DNAJA3: variants seen among roughly 807,000 people sequenced by gnomAD.
DNAJA3 encodes dnaJ homolog subfamily A member 3, mitochondrial.
DNAJA3 carries 29 observed loss-of-function variants against 54.9 expected under a neutral mutation model. The ratio of observed to expected loss-of-function variants is 0.53; its 90% CI spans 0.39 to 0.72. The LOEUF is 0.72. Ranked by LOEUF, DNAJA3 falls within the 30% of genes least tolerant of loss-of-function variation. The probability of loss-of-function intolerance (pLI) is 0.00; values close to 1 mark genes in which losing one functional copy is unlikely to be tolerated. For synonymous variants in DNAJA3, 302 were observed against 251.4 expected, an observed-to-expected ratio of 1.20 and a Z score of -1.90; for missense variants, 708 against 639.4, an observed-to-expected ratio of 1.11 and a Z score of -1.16.
At chr16:4,443,827 C>T (rs1254383578) in intron 6 of DNAJA3, among the ~76,000 whole-genome samples, 1 of 152,178 alleles carries the variant, frequency 6.6e-6, no homozygotes, top group Non-Finnish European at 1.5e-5. Flanking sequence ...GCTGGGACTA[C>T]AGGCACCTGC....
At chr16:4,433,939 T>A (rs2056738876) in intron 1 of DNAJA3, 1 of 208,672 alleles carries the variant, frequency 4.8e-6, no homozygotes, top group African/African-American at 2.4e-5. Flanking sequence ...ATTAGTCTGT[T>A]CTCATGCAGC....
At chr16:4,452,957 G>A (rs1405776854) in intron 10 of DNAJA3, among the ~76,000 whole-genome samples, 1 of 152,172 alleles carries the variant, frequency 6.6e-6, no homozygotes, top group African/African-American at 2.4e-5. Flanking sequence ...GGGTGGTTAA[G>A]TCTCTCATTA....
At chr16:4,446,241 G>T (rs1019697369) in intron 7 of DNAJA3, among the ~76,000 whole-genome samples, 2 of 142,766 alleles carry the variant, frequency 1.4e-5, no homozygotes, top group Non-Finnish European at 1.5e-5. Flanking sequence ...AATAAAGTAA[G>T]ATTTTTTTTT....
intron 1 of DNAJA3, among the ~76,000 whole-genome samples, chr16:4,426,454 G>C (rs1418197951): frequency 6.6e-6 from 1 of 152,190 alleles, no homozygotes; most frequent in Admixed American, 6.5e-5. Context: ...GAGAGGCCTA[G>C]GTACTTTGTT....
In DNAJA3 at chr16:4,441,492, G is replaced by A. The variant is rs1339491289; in HGVS notation, c.547G>A (p.Glu183Lys). Residue 183 changes from glutamate (E) to lysine (K), a missense_variant, in exon 4 of 12, where the codon GAG (glutamate) becomes AAG (lysine). Physicochemically the swap from Glu to Lys is moderately conservative, Grantham distance 56. Transcript: ENST00000262375. The part of the protein sequence containing the change: ...YWKGGPTVDP[E>K]ELFRKIFGEF... ...GAAGGGAGGCCCCACTGTGGACCCCGAGGAGCTGTTCAGGAAGATCTTTGG... is the reference window on the plus strand; with the variant it reads ...GAAGGGAGGCCCCACTGTGGACCCCAAGGAGCTGTTCAGGAAGATCTTTGG... The A allele has an allele frequency of 2.5e-6, 4 of 1,614,064 alleles. No homozygotes were observed. Among genetic ancestry groups the A allele is most frequent in the Admixed American group, 3.3e-5 (2 of 60,002 alleles).
At position 4,441,202 on chromosome 16, in the gene DNAJA3, A is replaced by G. The variant is rs1313150089; in HGVS notation, c.430-173A>G. ...CCTACACTTAGCATTCAGTTTGGTC[A>G]TCTCATCCCTCTTCTAGGTGCTAGT... On this transcript the variant is annotated intron_variant, in intron 3 of 11. Transcript: ENST00000262375. 6.6e-6 allele frequency: 4 copies of G among 609,792 alleles called. No individual in the cohort carries two copies. In the South Asian group the frequency reaches 8.4e-5, roughly 13 times the overall value. 37.8% of individuals were successfully genotyped at this position (609,792 alleles called of 1,614,324 possible).
intron 10 of DNAJA3, among the ~76,000 whole-genome samples, chr16:4,450,977 G>A (rs919360481): frequency 2.0e-5 from 3 of 152,180 alleles, no homozygotes; most frequent in African/African-American, 7.2e-5. Flanking sequence ...GACTCCGTCC[G>A]CCGCTTTAGA....
At chr16:4,446,490 C>G (rs1300748435) in intron 7 of DNAJA3, among the ~76,000 whole-genome samples, 2 of 151,990 alleles carry the variant, frequency 1.3e-5, no homozygotes, top group Non-Finnish European at 2.9e-5. Flanking sequence ...GTGATCCACT[C>G]ACCTTGGCCT....
intron 1 of DNAJA3, chr16:4,430,563 C>CA (rs1287211997): frequency 0.037 from 3,714 of 99,278 alleles, 163 homozygotes; most frequent in African/African-American, 0.13. Context: ...AACTCCCTGT[C>CA]AAAAAAAAAA....
Position 4,448,886 on chromosome 16 carries a change from C to T in DNAJA3, c.1241+38C>T, listed in dbSNP as rs903757420. The T allele has an allele frequency of 8.0e-6, 12 of 1,503,378 alleles. No homozygotes were observed. In the East Asian group the frequency reaches 2.5e-4, roughly 31 times the overall value. The allele number at this position is 1,503,378 out of a possible 1,614,324, so 93.1% of individuals were successfully genotyped here. A position where few individuals can be genotyped will look rare whatever the true frequency, so the allele number is the denominator to read the frequency against. ...TAGGCTGTGGCCAAGCCCGCCTGGT[C>T]CTGCGGTGGCACTGCCCTTGGAGCT... is the stretch of plus-strand genomic sequence containing the variant. On this transcript the variant is annotated intron_variant, in intron 9 of 11. Coordinates refer to ENST00000262375, the MANE Select transcript of DNAJA3 (RefSeq NM_005147.6).
intron 7 of DNAJA3, 98 bp from the exon 8 acceptor site, chr16:4,446,788 A>G (rs1443122298): frequency 4.8e-6 from 7 of 1,454,282 alleles, no homozygotes; most frequent in Non-Finnish European, 6.6e-6. Flanking sequence ...AGGGGTGTGT[A>G]GTTTGTCAGG....
chr16:4,433,063 A>AC (rs2056726836), intron 1 of DNAJA3: 1 of 152,032 alleles, frequency 6.6e-6, no homozygotes, highest in Admixed American at 6.6e-5. Context: ...AATGGCGTGA[A>AC]CCCGGGAAGT....
At chr16:4,451,968 G>T (rs1194655517) in intron 10 of DNAJA3, among the ~76,000 whole-genome samples, 1 of 151,488 alleles carries the variant, frequency 6.6e-6, no homozygotes, top group Non-Finnish European at 1.5e-5. Context: ...TACTCTGGAG[G>T]CTGAGGCAGG....
chr16:4,448,952 G>A (rs2056941847), intron 9 of DNAJA3, 104 bp downstream of exon 9: 1 of 771,572 alleles, frequency 1.3e-6, no homozygotes, highest in Non-Finnish European at 2.2e-6. Flanking sequence ...AAGTCAGGTG[G>A]TTCCTGCCCG....
In DNAJA3 at chr16:4,425,878, C is replaced by G; in HGVS notation, c.-4C>G. On this transcript the variant is annotated 5_prime_UTR_variant, in exon 1 of 12. Transcript: ENST00000262375. ...CGGCGCAGGCGCAGAGTCCCCGGGC[C>G]AAGATGGCTGCGCGGTGCTCCACAC... 6.5e-7 allele frequency: 1 copy of G among 1,528,752 alleles called. No individual in the cohort carries two copies. The highest frequency in any genetic ancestry group is 8.8e-7 in the Non-Finnish European group (1 of 1,140,656). 94.7% of individuals were successfully genotyped at this position (1,528,752 alleles called of 1,614,324 possible).
chr16:4,454,748 C>T (rs1286725925), intron 10 of DNAJA3, 63 bp from the exon 11 acceptor site: 1 of 1,325,196 alleles, frequency 7.5e-7, no homozygotes, highest in Non-Finnish European at 1.1e-6. Context: ...GTAGGTGGGC[C>T]CTGGGATGTG....
chr16:4,449,487 C>G (rs2056950654), intron 9 of DNAJA3: 1 of 152,160 alleles, frequency 6.6e-6, no homozygotes, highest in African/African-American at 2.4e-5. Flanking sequence ...TCAAATGATT[C>G]TCCTGCCTCA....
Position 4,446,798 on chromosome 16 carries a change from G to C in DNAJA3, c.997-88G>C, listed in dbSNP as rs570121633. The C allele has an allele frequency of 2.6e-6, 4 of 1,543,128 alleles. No individual in the cohort carries two copies. The Admixed American group carries it at 5.3e-5, about 21-fold the overall frequency. On this transcript the variant is annotated intron_variant, in intron 7 of 11. Coordinates refer to ENST00000262375, the MANE Select transcript of DNAJA3 (RefSeq NM_005147.6). The stretch of plus-strand genomic sequence containing the variant: ...ATGGAAGGGGTGTGTAGTTTGTCAG[G>C]TCTGAGCTTGGGCCTGGCCAGGCAT...
At position 4,442,401 on chromosome 16, in the gene DNAJA3, A is replaced by G. The variant is rs2056847547; in HGVS notation, c.764A>G (p.Tyr255Cys). Residue 255 changes from tyrosine to cysteine, a missense_variant, in exon 5 of 12, where the codon TAC becomes TGC. Physicochemically the swap from Tyr to Cys is radical, Grantham distance 194 (BLOSUM62 -2). Coordinates refer to ENST00000262375, the MANE Select transcript of DNAJA3 (RefSeq NM_005147.6). ...EPGTKVQHCHYCGGSGMETIN... is the reference protein window; with the variant it reads ...EPGTKVQHCHCCGGSGMETIN... ...GGCACCAAGGTGCAGCATTGCCACT[A>G]CTGTGGCGGCTCCGGCATGGTAAGG... The G allele has an allele frequency of 2.5e-6, 4 of 1,604,060 alleles. No homozygotes were observed. The highest frequency in any genetic ancestry group is 3.4e-6 in the Non-Finnish European group (4 of 1,174,652).
Sources: gnomAD v4.1 joint callset for allele counts (sites outside exome capture counted in the v4.1 genomes callset) on GRCh38, gnomAD v4.1.1 for gene constraint, MANE v1.5 for transcripts, NCBI Gene and HGNC (gene_info 2026-07-23, HGNC 2026-07-21) for gene names.